The following WASL variants were observed in gnomAD, a reference collection of about 807,000 sequenced individuals.
The protein encoded by WASL is WASP like actin nucleation promoting factor.
WASL carries 20 observed loss-of-function variants against 55.5 expected under a neutral mutation model. The observed-to-expected ratio is 0.36, with a 90% CI of 0.25 to 0.52. WASL has a LOEUF of 0.52. Ranked by LOEUF, WASL falls within the 20% of genes least tolerant of loss-of-function variation. The pLI, the probability that WASL is intolerant of heterozygous loss-of-function variation, is 0.92. For synonymous variants in WASL, 249 were observed against 217.6 expected (o/e 1.14, Z -1.27); for missense variants, 504 against 622.5 (o/e 0.81, Z 2.03).
At chr7:123,701,521 A>G (rs942558899) in intron 5 of WASL, among the ~76,000 whole-genome samples, 3 of 152,242 alleles carry the variant, frequency 2.0e-5, no homozygotes, top group Non-Finnish European at 4.4e-5. Flanking sequence ...ACTGACCAAT[A>G]AAGAAATTAG....
intron 1 of WASL, among the ~76,000 whole-genome samples, chr7:123,718,028 G>C (rs1012210982): frequency 6.6e-6 from 1 of 152,156 alleles, no homozygotes; most frequent in Non-Finnish European, 1.5e-5. Flanking sequence ...GTAAAGAAGT[G>C]ATGAATGAAT....
At chr7:123,733,913 C>CAAAAAAAA (rs33913069) in intron 1 of WASL, among the ~76,000 whole-genome samples, 1 of 110,798 alleles carries the variant, frequency 9.0e-6, no homozygotes, top group Non-Finnish European at 1.8e-5. Flanking sequence ...ATCCACGTGC[C>CAAAAAAAA]AAAAAAAAAA....
intron 1 of WASL, among the ~76,000 whole-genome samples, chr7:123,723,109 T>C (rs537167360): frequency 1.6e-4 from 24 of 152,300 alleles, no homozygotes; most frequent in Non-Finnish European, 3.1e-4. Flanking sequence ...AGTTCCTTAT[T>C]ATAGGGTTAA....
At chr7:123,725,505 A>AT (rs1052677742) in intron 1 of WASL, among the ~76,000 whole-genome samples, 15 of 151,620 alleles carry the variant, frequency 9.9e-5, no homozygotes, top group African/African-American at 3.6e-4. Flanking sequence ...ATTAGGTTAT[A>AT]TTTAAAAAAA....
rs201281105 is a variant in WASL at position 123,718,484 on chromosome 7, AAGAT to A, written c.118-9265_118-9262del. Reference sequence around the variant, plus strand: ...AACTTCAAAAAAACACAAAAACACTAAGATAGGTGGGTAATGACAATGAGTGTAT... The same window carrying A: ...AACTTCAAAAAAACACAAAAACACTAAGGTGGGTAATGACAATGAGTGTAT... On this transcript the variant is annotated intron_variant, in intron 1 of 10. Transcript: ENST00000223023. Among the ~76,000 whole-genome samples, 778 of 152,338 alleles carry A rather than the reference AAGAT, an allele frequency of 5.1e-3. 7 individuals carry two copies. Among genetic ancestry groups the A allele is most frequent in the African/African-American group, 0.018 (747 of 41,588 alleles).
At chr7:123,734,958 C>T (rs1804201685) in intron 1 of WASL, among the ~76,000 whole-genome samples, 1 of 151,972 alleles carries the variant, frequency 6.6e-6, no homozygotes, top group Non-Finnish European at 1.5e-5. Context: ...TGTAAAACTG[C>T]TCTAAAAAAT....
chr7:123,717,648 C>T (rs1198282343), intron 1 of WASL, among the ~76,000 whole-genome samples: 1 of 152,138 alleles, frequency 6.6e-6, no homozygotes, highest in African/African-American at 2.4e-5. Flanking sequence ...TCTCCCCAGG[C>T]AAGAAACATG....
At chr7:123,747,491 A>C (rs1402974049) in intron 1 of WASL, among the ~76,000 whole-genome samples, 4 of 152,174 alleles carry the variant, frequency 2.6e-5, no homozygotes, top group African/African-American at 7.2e-5. Context: ...GAATCCAATA[A>C]CTTTCCAGAA....
chr7:123,688,903 C>T, intron 10 of WASL, 139 bp downstream of exon 10: 1 of 777,736 alleles, frequency 1.3e-6, no homozygotes, highest in Non-Finnish European at 2.1e-6. Context: ...GAGCCCACAT[C>T]AGTAGTTACT....
chr7:123,742,169 C>T (rs976607692), intron 1 of WASL, among the ~76,000 whole-genome samples: 1 of 152,138 alleles, frequency 6.6e-6, no homozygotes, highest in African/African-American at 2.4e-5. Flanking sequence ...ACAGCAAGAA[C>T]AGAAGTTGAA....
intron 8 of WASL, 91 bp from the exon 9 acceptor site, chr7:123,692,958 T>C: frequency 7.7e-7 from 1 of 1,300,760 alleles, no homozygotes; most frequent in Non-Finnish European, 9.8e-7. Flanking sequence ...GTATAAAAAT[T>C]GAATAATACC....
chr7:123,706,599 A>C (rs1803675689), intron 3 of WASL, 141 bp downstream of exon 3: 1 of 770,748 alleles, frequency 1.3e-6, no homozygotes, highest in African/African-American at 1.8e-5. Flanking sequence ...CACATATACT[A>C]ATTTGAATAT....
At chr7:123,731,325 A>G (rs1804133041) in intron 1 of WASL, among the ~76,000 whole-genome samples, 1 of 152,220 alleles carries the variant, frequency 6.6e-6, no homozygotes, top group African/African-American at 2.4e-5. Flanking sequence ...AAAAGCCCAC[A>G]TAACTACAAG....
intron 1 of WASL, among the ~76,000 whole-genome samples, 184 bp downstream of exon 1, chr7:123,748,433 AC>A (rs1476257981): frequency 2.6e-5 from 4 of 151,344 alleles, no homozygotes; most frequent in Admixed American, 2.6e-4. Context: ...GCGGCGCCCG[AC>A]CGCCACGGCC....
chr7:123,708,015 T>A (rs752626757), intron 2 of WASL, among the ~76,000 whole-genome samples: 2 of 151,900 alleles, frequency 1.3e-5, no homozygotes, highest in Non-Finnish European at 2.9e-5. Flanking sequence ...GCAGAACCCA[T>A]CTCTATAAGA....
At chr7:123,721,356 AG>A (rs1178493867) in intron 1 of WASL, among the ~76,000 whole-genome samples, 1 of 152,200 alleles carries the variant, frequency 6.6e-6, no homozygotes, top group Non-Finnish European at 1.5e-5. Flanking sequence ...AACGTGCAAA[AG>A]GTAGGTTACT....
rs1479967053 is a variant in WASL, at chr7:123,748,746, C to A, written c.-12G>T. On this transcript the variant is annotated 5_prime_UTR_variant, in exon 1 of 11. Coordinates refer to ENST00000223023, the MANE Select transcript of WASL (RefSeq NM_003941.4). ...TGGACGGAGCTCATGGTTTCGCCGG[C>A]GGGGTTGGGAGTCCAGGGCCGTCTC... is the stretch of plus-strand genomic sequence containing the variant. 8 of 1,567,486 alleles carry A rather than the reference C, an allele frequency of 5.1e-6. No individual in the cohort carries two copies. Among genetic ancestry groups the A allele is most frequent in the African/African-American group, 4.2e-5 (3 of 72,198 alleles).
chr7:123,707,949 C>T (rs1270942751), intron 2 of WASL, among the ~76,000 whole-genome samples: 1 of 152,052 alleles, frequency 6.6e-6, no homozygotes, highest in Middle Eastern at 3.2e-3. Context: ...ACTTTGGGAG[C>T]CTGAGGCAGG....
chr7:123,696,740 A>T lies in WASL; in HGVS notation c.468T>A (p.Asn156Lys). The T allele has an allele frequency of 6.4e-7, 1 of 1,553,418 alleles. No individual in the cohort carries two copies. Among genetic ancestry groups the T allele is most frequent in the Non-Finnish European group, 8.7e-7 (1 of 1,152,928 alleles). Residue 156 changes from asparagine (N) to lysine (K), a missense_variant, in exon 6 of 11, where the codon AAT (asparagine) becomes AAA (lysine). Physicochemically the swap from Asn to Lys is moderately conservative, Grantham distance 94 (BLOSUM62 0). Coordinates refer to ENST00000223023, the MANE Select transcript of WASL (RefSeq NM_003941.4). ...TTATATCAACTGTAGCCATGGGTAG[A>T]TTAGGACCTGCAAATAAAACCAAAT... The part of the protein sequence containing the change: ...EKRRDPPNGP[N>K]LPMATVDIKN...
Sources: allele counts gnomAD v4.1 joint callset (sites outside exome capture counted in the v4.1 genomes callset), GRCh38; gene constraint gnomAD v4.1.1; transcripts MANE v1.5; gene names NCBI Gene and HGNC (gene_info 2026-07-23, HGNC 2026-07-21).